PTN: variants seen among roughly 807,000 people sequenced by gnomAD.
PTN encodes the protein heparin affin regulatory protein.
A neutral mutation model predicts 24.1 loss-of-function variants in PTN; 18 were observed. The ratio of observed to expected loss-of-function variants is 0.75; its 90% CI spans 0.52 to 1.11. PTN has a LOEUF of 1.11. PTN is among the 50% of genes least tolerant of loss of function. The pLI is 0.00. For synonymous variants in PTN, 78 were observed against 68.6 expected, an observed-to-expected ratio of 1.14 and a Z score of -0.67; for missense variants, 163 against 198.8, an observed-to-expected ratio of 0.82 and a Z score of 1.08.
rs546167550 is a variant in PTN, at chr7:137,265,248, C to G, written c.-1-10274G>C. Among the ~76,000 whole-genome samples the G allele has an allele frequency of 1.8e-4, 27 of 152,264 alleles. 2 individuals carry two copies. The South Asian group carries it at 5.6e-3, about 32-fold the overall frequency. ...CTAAATGGACAGGAGAGTCGAAAGA[C>G]CTATAAGGGGCTTCTCTCACTTTAC... On this transcript the variant is annotated intron_variant, in intron 1 of 4. Coordinates refer to ENST00000348225, the MANE Select transcript of PTN (RefSeq NM_002825.7).
chr7:137,336,171 C>T (rs1395583961), intron 1 of PTN, among the ~76,000 whole-genome samples: 3 of 152,124 alleles, frequency 2.0e-5, no homozygotes, highest in Non-Finnish European at 2.9e-5. Flanking sequence ...GATGTTGCGT[C>T]GTGACCATTG....
chr7:137,277,506 A>G (rs1809380049), intron 1 of PTN, among the ~76,000 whole-genome samples: 1 of 152,222 alleles, frequency 6.6e-6, no homozygotes, highest in Non-Finnish European at 1.5e-5. Flanking sequence ...TAATAACCAA[A>G]ATGTCTATCA....
At position 137,268,368 on chromosome 7, in the gene PTN, G is replaced by C. The variant is rs141016875; in HGVS notation, c.-1-13394C>G. On this transcript the variant is annotated intron_variant, in intron 1 of 4. Transcript: ENST00000348225. ...ACCAAGAAATGTAGCAGGACGAGCC[G>C]CGGACAGGAGACACCGAGATAGTGA... is the stretch of plus-strand genomic sequence containing the variant. 8.5e-3 allele frequency among the ~76,000 whole-genome samples: 1,296 copies of C among 151,960 alleles called. 12 individuals carry two copies. Among genetic ancestry groups the C allele is most frequent in the African/African-American group, 0.03 (1,239 of 41,436 alleles).
chr7:137,324,433 A>AAAAAAAAAAAT, intron 1 of PTN, among the ~76,000 whole-genome samples: 1 of 88,760 alleles, frequency 1.1e-5, no homozygotes, highest in African/African-American at 6.9e-5. Context: ...AAAAAAAAAA[A>AAAAAAAAAAAT]ATATATATAT....
intron 1 of PTN, among the ~76,000 whole-genome samples, chr7:137,324,451 T>TATATATATAA (rs1460014447): frequency 0.023 from 3,024 of 133,268 alleles, 66 homozygotes; most frequent in South Asian, 0.031. Context: ...TATATATATA[T>TATATATATAA]AAATTAACCT....
chr7:137,248,523 T>G (rs1359258930), intron 4 of PTN, among the ~76,000 whole-genome samples: 1 of 152,100 alleles, frequency 6.6e-6, no homozygotes, highest in Admixed American at 6.5e-5. Context: ...CTGTCTCTAC[T>G]AAAAAGACAG....
chr7:137,278,883 G>C (rs991518262), intron 1 of PTN, among the ~76,000 whole-genome samples: 1 of 151,152 alleles, frequency 6.6e-6, no homozygotes, highest in African/African-American at 2.4e-5. Flanking sequence ...AGAGGTTGCA[G>C]TGAGCCAAGA....
intron 1 of PTN, among the ~76,000 whole-genome samples, chr7:137,263,782 T>G (rs1809084991): frequency 6.6e-6 from 1 of 152,090 alleles, no homozygotes. Context: ...ATAATACAAC[T>G]ACCTGACCAC....
chr7:137,258,083 T>A (rs1410256203), intron 1 of PTN, among the ~76,000 whole-genome samples: 1 of 152,214 alleles, frequency 6.6e-6, no homozygotes, highest in Admixed American at 6.5e-5. Context: ...ACTCTTGTTT[T>A]CATCGTTATT....
At chr7:137,234,137 TA>T (rs1192969369) in intron 4 of PTN, among the ~76,000 whole-genome samples, 1 of 151,936 alleles carries the variant, frequency 6.6e-6, no homozygotes, top group Non-Finnish European at 1.5e-5. Context: ...AATTCAATTG[TA>T]TCTATTTTCC....
At chr7:137,251,470 T>C in intron 3 of PTN, 79 bp from the exon 4 acceptor site, 3 of 1,467,160 alleles carry the variant, frequency 2.0e-6, no homozygotes, top group South Asian at 2.4e-5. Context: ...ACACTTTTGT[T>C]TGTAACTTTT....
chr7:137,230,109 A>G (rs955214008), intron 4 of PTN, among the ~76,000 whole-genome samples: 9 of 151,814 alleles, frequency 5.9e-5, no homozygotes, highest in Admixed American at 6.6e-5. Context: ...TATTTCATAC[A>G]TAAGTCTGAG....
intron 1 of PTN, among the ~76,000 whole-genome samples, chr7:137,257,368 GA>G (rs1563202236): frequency 6.6e-6 from 1 of 152,204 alleles, no homozygotes; most frequent in Non-Finnish European, 1.5e-5. Context: ...TGGTCACGCA[GA>G]AAAGTTTCTA....
intron 1 of PTN, among the ~76,000 whole-genome samples, chr7:137,327,513 G>A (rs1371257138): frequency 6.6e-6 from 1 of 151,934 alleles, no homozygotes; most frequent in Non-Finnish European, 1.5e-5. Flanking sequence ...CATACACAAT[G>A]CCACCCTGCC....
intron 1 of PTN, among the ~76,000 whole-genome samples, chr7:137,319,077 A>G (rs1810120751): frequency 6.6e-6 from 1 of 152,150 alleles, no homozygotes; most frequent in South Asian, 2.1e-4. Flanking sequence ...GCCTAAAAAG[A>G]CCTAAGCTCT....
intron 1 of PTN, among the ~76,000 whole-genome samples, chr7:137,259,489 A>G (rs1808995187): frequency 6.6e-6 from 1 of 152,072 alleles, no homozygotes; most frequent in Non-Finnish European, 1.5e-5. Flanking sequence ...CAATTACTTG[A>G]GAGACTTGTC....
intron 1 of PTN, 57 bp downstream of exon 1, chr7:137,343,382 G>T: frequency 2.2e-6 from 1 of 452,616 alleles, no homozygotes; most frequent in Non-Finnish European, 4.5e-6. Context: ...GTGGCACAGG[G>T]TGAAGGCAAA....
chr7:137,335,825 G>A (rs1810438412), intron 1 of PTN, among the ~76,000 whole-genome samples: 1 of 152,036 alleles, frequency 6.6e-6, no homozygotes, highest in Non-Finnish European at 1.5e-5. Flanking sequence ...ATTAAAAAAT[G>A]TGACATGTAG....
At chr7:137,322,164 T>C (rs1229267957) in intron 1 of PTN, among the ~76,000 whole-genome samples, 1 of 152,178 alleles carries the variant, frequency 6.6e-6, no homozygotes, top group Non-Finnish European at 1.5e-5. Flanking sequence ...ACTTATTTGC[T>C]TTTCCTTAAT....
Sources: gnomAD v4.1 joint callset for allele counts (sites outside exome capture counted in the v4.1 genomes callset) on GRCh38, gnomAD v4.1.1 for gene constraint, MANE v1.5 for transcripts, NCBI Gene and HGNC (gene_info 2026-07-23, HGNC 2026-07-21) for gene names.